Variants in CFAP141 observed in about 807,000 individuals in gnomAD.
CFAP141 encodes the protein cilia and flagella associated protein 141.
At chr1:154,204,106 T>C in the CFAP141 span, among the ~76,000 whole-genome samples, 3 of 152,040 alleles carry the variant, frequency 2.0e-5, no homozygotes, top group Non-Finnish European at 4.4e-5. Flanking sequence ...AATAAATAAA[T>C]AAATAAATAA....
At chr1:154,200,549 T>G in the CFAP141 span, 16 of 1,614,106 alleles carry the variant, frequency 9.9e-6, no homozygotes, top group Non-Finnish European at 1.4e-5. Context: ...TCTGGCCCAA[T>G]GCCATTTGCC....
At chr1:154,205,138 C>A in the CFAP141 span, among the ~76,000 whole-genome samples, 1 of 152,160 alleles carries the variant, frequency 6.6e-6, no homozygotes, top group East Asian at 1.9e-4. Context: ...CCTGCCTCAG[C>A]CTCCCAAAGT....
chr1:154,205,416 T>A, the CFAP141 span, among the ~76,000 whole-genome samples: 1 of 152,166 alleles, frequency 6.6e-6, no homozygotes, highest in East Asian at 1.9e-4. Flanking sequence ...CCTAACCTAG[T>A]AGGCACTAAG....
At chr1:154,204,615 C>T in the CFAP141 span, among the ~76,000 whole-genome samples, 1 of 151,810 alleles carries the variant, frequency 6.6e-6, no homozygotes, top group African/African-American at 2.4e-5. Flanking sequence ...GTTTTCCTCT[C>T]TCACCCAGGC....
the CFAP141 span, among the ~76,000 whole-genome samples, chr1:154,205,888 A>C: frequency 1.3e-5 from 2 of 152,054 alleles, no homozygotes; most frequent in Non-Finnish European, 2.9e-5. Flanking sequence ...TTTTTAGTAG[A>C]GATGGGGTTT....
At chr1:154,205,781 C>T in the CFAP141 span, 21 of 676,928 alleles carry the variant, frequency 3.1e-5, no homozygotes, top group African/African-American at 1.6e-4. Context: ...CTCGGCTCAC[C>T]GCAATCTCCG....
the CFAP141 span, chr1:154,200,507 C>G: frequency 2.5e-6 from 4 of 1,614,188 alleles, no homozygotes; most frequent in Non-Finnish European, 3.4e-6. Flanking sequence ...CCATGGTGTC[C>G]TGCATCCTTA....
the CFAP141 span, among the ~76,000 whole-genome samples, chr1:154,203,172 AATATATATATATATATATATAT>A: frequency 0.011 from 332 of 29,512 alleles, 15 homozygotes; most frequent in Middle Eastern, 0.038. Context: ...TGACTGGGCA[AATATATATATATATATATATAT>A]ATATATATAT....
At chr1:154,200,641 G>T in the CFAP141 span, 2 of 1,591,140 alleles carry the variant, frequency 1.3e-6, no homozygotes, top group Non-Finnish European at 8.6e-7. Context: ...GTTAGGAGTA[G>T]AGACAAAAAA....
At chr1:154,200,006 C>T in the CFAP141 span, among the ~76,000 whole-genome samples, 1 of 152,178 alleles carries the variant, frequency 6.6e-6, no homozygotes, top group Admixed American at 6.5e-5. Context: ...TCCCAAGTAG[C>T]TGGGATTATA....
At chr1:154,199,385 A>G in the CFAP141 span, 1 of 1,354,194 alleles carries the variant, frequency 7.4e-7, no homozygotes, top group Non-Finnish European at 1.0e-6. Flanking sequence ...AGGCTAGGTT[A>G]GCAGGCATGT....
the CFAP141 span, among the ~76,000 whole-genome samples, chr1:154,203,305 G>A: frequency 1.4e-5 from 2 of 142,236 alleles, no homozygotes; most frequent in Admixed American, 1.4e-4. Flanking sequence ...TGTTGCCCAG[G>A]CTGGAGTGCA....
At chr1:154,205,537 G>A in the CFAP141 span, 1 of 1,495,714 alleles carries the variant, frequency 6.7e-7, no homozygotes, top group South Asian at 1.1e-5. Flanking sequence ...GTGGCTCAGG[G>A]AAGACAGCAG....
At chr1:154,204,091 C>CAATAAATAAATAAATA in the CFAP141 span, among the ~76,000 whole-genome samples, 1 of 151,366 alleles carries the variant, frequency 6.6e-6, no homozygotes, top group Non-Finnish European at 1.5e-5. Context: ...AACTCCATCT[C>CAATAAATAAATAAATA]AATAAATAAA....
At chr1:154,200,476 T>G in the CFAP141 span, 2 of 1,614,226 alleles carry the variant, frequency 1.2e-6, no homozygotes, top group Non-Finnish European at 1.7e-6. Flanking sequence ...AGTTGCTTTT[T>G]GGCCAGTGCC....
At chr1:154,205,524 G>A in the CFAP141 span, 3 of 1,335,470 alleles carry the variant, frequency 2.2e-6, no homozygotes, top group Admixed American at 3.4e-5. Flanking sequence ...GCAGAGTTGG[G>A]AGGTGGCTCA....
At chr1:154,203,803 G>T in the CFAP141 span, among the ~76,000 whole-genome samples, 76 of 152,288 alleles carry the variant, frequency 5.0e-4, 1 homozygote, top group Middle Eastern at 3.4e-3. Context: ...GGCCGGGCGT[G>T]GTGGCTCACG....
chr1:154,205,166 G>A, the CFAP141 span, among the ~76,000 whole-genome samples: 1 of 152,118 alleles, frequency 6.6e-6, no homozygotes, highest in Non-Finnish European at 1.5e-5. Context: ...TTACAGGCGT[G>A]AGCCACCGCG....
At chr1:154,203,211 A>ACACACTT in the CFAP141 span, among the ~76,000 whole-genome samples, 2 of 51,934 alleles carry the variant, frequency 3.9e-5, no homozygotes, top group African/African-American at 1.6e-4. Context: ...ATATATATAT[A>ACACACTT]TATATATATA....
Sources: gnomAD v4.1 joint callset for allele counts (sites outside exome capture counted in the v4.1 genomes callset) on GRCh38, gnomAD v4.1.1 for gene constraint, MANE v1.5 for transcripts, NCBI Gene and HGNC (gene_info 2026-07-23, HGNC 2026-07-21) for gene names.